The following SIMC1 variants were observed in gnomAD, a reference collection of about 807,000 sequenced individuals.
SIMC1 encodes the protein SUMO-interacting motif-containing protein 1.
A neutral mutation model predicts 82.3 loss-of-function variants in SIMC1; 55 were observed. The ratio of observed to expected loss-of-function variants is 0.67; its 90% confidence interval spans 0.54 to 0.84. The LOEUF (loss-of-function observed/expected upper bound fraction) is 0.84, where lower values mean the gene tolerates loss of function less well. Among genes scored for constraint, SIMC1 ranks in the 40% least tolerant of loss-of-function variants. SIMC1 has a pLI of 0.00. For missense variants in SIMC1, 915 were observed against 1,107.2 expected (o/e 0.83, Z 2.46); for synonymous variants, 353 against 426.3 (o/e 0.83, Z 2.12).
At chr5:176,320,480 C>T (rs1286831170) in intron 5 of SIMC1, among the ~76,000 whole-genome samples, 1 of 152,046 alleles carries the variant, frequency 6.6e-6, no homozygotes, top group Non-Finnish European at 1.5e-5. Flanking sequence ...GTGATCCTCC[C>T]ACCTCAGCCT....
At chr5:176,320,668 C>T (rs1581309917) in intron 5 of SIMC1, among the ~76,000 whole-genome samples, 2 of 152,028 alleles carry the variant, frequency 1.3e-5, no homozygotes, top group Admixed American at 1.3e-4. Context: ...CATGCCTGGC[C>T]GCCACCTACA....
chr5:176,266,084 C>T (rs1422163607), intron 1 of SIMC1, among the ~76,000 whole-genome samples: 1 of 152,074 alleles, frequency 6.6e-6, no homozygotes, highest in African/African-American at 2.4e-5. Flanking sequence ...GTGAAACTGC[C>T]TCACAGTTAA....
Position 176,320,746 on chromosome 5 carries a change from GT to G in SIMC1, c.1890-1515del, listed in dbSNP as rs971677586. ...TGCTACCGCTTGCAGAGCTATTGAA[GT>G]TTTTTTTTTTTAAGTAAATAGGATT... On this transcript the variant is annotated intron_variant, in intron 5 of 9. Coordinates refer to ENST00000429602, the MANE Select transcript of SIMC1 (RefSeq NM_001308195.2). Among the ~76,000 whole-genome samples, 56 of 145,912 alleles carry G rather than the reference GT, an allele frequency of 3.8e-4. No individual in the cohort carries two copies. In the South Asian group the frequency reaches 5.6e-3, roughly 15 times the overall value.
chr5:176,256,923 T>C (rs898875213), intron 1 of SIMC1, among the ~76,000 whole-genome samples: 1 of 152,126 alleles, frequency 6.6e-6, no homozygotes, highest in African/African-American at 2.4e-5. Flanking sequence ...TTTAAATTAA[T>C]TTATTTATTT....
intron 1 of SIMC1, among the ~76,000 whole-genome samples, chr5:176,241,665 G>A (rs1761279737): frequency 6.6e-6 from 1 of 151,654 alleles, no homozygotes. Context: ...AACTACCAGT[G>A]GCCTACTGTT....
rs1761558377 is a variant in SIMC1 at position 176,249,204 on chromosome 5, A to G, written c.129+10567A>G. Among the ~76,000 whole-genome samples, 5 of 152,088 alleles carry G rather than the reference A, an allele frequency of 3.3e-5. No individual in the cohort carries two copies. The South Asian group carries it at 1.0e-3, about 32-fold the overall frequency. On this transcript the variant is annotated intron_variant, in intron 1 of 9. Transcript: ENST00000429602. ...ACCAGCTCCTCTTTGTGCCTCTAGT[A>G]GAATTTGGCTGTGAATCCGTCTGGT...
intron 7 of SIMC1, among the ~76,000 whole-genome samples, chr5:176,330,330 G>C (rs1445198284): frequency 1.3e-5 from 2 of 151,732 alleles, no homozygotes; most frequent in African/African-American, 4.8e-5. Context: ...GAAATCAGGA[G>C]GTGGAGGTTG....
Position 176,305,999 on chromosome 5 carries a change from C to T in SIMC1, c.1735-7692C>T, listed in dbSNP as rs868169185. Among the ~76,000 whole-genome samples, 16 of 64,294 alleles carry T rather than the reference C, an allele frequency of 2.5e-4. 1 individual carries two copies. The South Asian group carries it at 2.9e-3, about 12-fold the overall frequency. 42.2% of individuals were successfully genotyped at this position (64,294 alleles called of 152,430 possible). ...GAGGGAGGTGGGGGGGTCAGCCCCC[C>T]GCCCGGCCAGCCGCCCCGTCCGGGA... is the stretch of plus-strand genomic sequence containing the variant. On this transcript the variant is annotated intron_variant, in intron 4 of 9. Coordinates refer to ENST00000429602, the MANE Select transcript of SIMC1 (RefSeq NM_001308195.2).
intron 4 of SIMC1, chr5:176,313,383 C>T (rs1423940664): frequency 6.5e-7 from 1 of 1,531,644 alleles, no homozygotes; most frequent in South Asian, 1.2e-5. Flanking sequence ...CAGTAGATAT[C>T]TGATTGCAGC....
At chr5:176,313,435 C>G in intron 4 of SIMC1, 1 of 1,548,998 alleles carries the variant, frequency 6.5e-7, no homozygotes, top group South Asian at 1.2e-5. Context: ...ATGCCTAGAT[C>G]CTTTGAACAA....
intron 3 of SIMC1, among the ~76,000 whole-genome samples, chr5:176,295,478 A>G (rs1490938474): frequency 1.3e-5 from 2 of 152,232 alleles, no homozygotes; most frequent in African/African-American, 2.4e-5. Flanking sequence ...GAAACCGAGG[A>G]GTGAGATGTG....
intron 2 of SIMC1, among the ~76,000 whole-genome samples, chr5:176,292,978 G>T (rs1344016483): frequency 6.6e-6 from 1 of 152,142 alleles, no homozygotes; most frequent in Non-Finnish European, 1.5e-5. Context: ...GGGAGTAGGG[G>T]TTGAGAGAAT....
At chr5:176,298,080 A>AT (rs1220317696) in intron 4 of SIMC1, among the ~76,000 whole-genome samples, 1 of 152,168 alleles carries the variant, frequency 6.6e-6, no homozygotes, top group Non-Finnish European at 1.5e-5. Context: ...AGACCAGAAT[A>AT]TCACTGTGAG....
At chr5:176,310,949 ATAAGC>A (rs1243019735) in intron 4 of SIMC1, among the ~76,000 whole-genome samples, 1 of 152,236 alleles carries the variant, frequency 6.6e-6, no homozygotes, top group Non-Finnish European at 1.5e-5. Flanking sequence ...GTTAAAAAAA[ATAAGC>A]TAAGTGAAAG....
chr5:176,339,361 C>T (rs577576029), intron 9 of SIMC1, among the ~76,000 whole-genome samples: 1 of 152,088 alleles, frequency 6.6e-6, no homozygotes, highest in Admixed American at 6.5e-5. Context: ...GAGACTCTGT[C>T]TCAAAAAAAA....
chr5:176,304,693 G>T (rs1247579144), intron 4 of SIMC1, among the ~76,000 whole-genome samples: 1 of 148,302 alleles, frequency 6.7e-6, no homozygotes, highest in Non-Finnish European at 1.5e-5. Context: ...GCCCAGTCTG[G>T]AAAGTGAGGA....
At chr5:176,342,570 T>C (rs981242139) in intron 9 of SIMC1, among the ~76,000 whole-genome samples, 1 of 152,214 alleles carries the variant, frequency 6.6e-6, no homozygotes, top group African/African-American at 2.4e-5. Flanking sequence ...GGGAAGGACT[T>C]CTTGCTGCGT....
At chr5:176,274,399 A>G (rs946205078) in intron 1 of SIMC1, among the ~76,000 whole-genome samples, 14 of 151,190 alleles carry the variant, frequency 9.3e-5, no homozygotes, top group Admixed American at 3.3e-4. Flanking sequence ...TAGATTCTGG[A>G]TATTAGCCCT....
intron 4 of SIMC1, among the ~76,000 whole-genome samples, chr5:176,306,304 C>T (rs1336035446): frequency 1.4e-5 from 2 of 139,152 alleles, no homozygotes; most frequent in Non-Finnish European, 3.2e-5. Context: ...GGTCAGCCCC[C>T]CGTCCGGCCA....
Sources: allele counts gnomAD v4.1 joint callset (sites outside exome capture counted in the v4.1 genomes callset), GRCh38; gene constraint gnomAD v4.1.1; transcripts MANE v1.5; gene names NCBI Gene and HGNC (gene_info 2026-07-23, HGNC 2026-07-21).